DOC2B: variants seen among roughly 807,000 people sequenced by gnomAD.
The protein encoded by DOC2B is double C2-like domain-containing protein beta.
A neutral mutation model predicts 28.9 loss-of-function variants in DOC2B; 21 were observed. The ratio of observed to expected loss-of-function variants is 0.73; its 90% CI spans 0.52 to 1.05. The LOEUF (loss-of-function observed/expected upper bound fraction) is 1.05, where lower values mean the gene tolerates loss of function less well. Ranked by LOEUF, DOC2B falls within the 50% of genes least tolerant of loss-of-function variation. The probability of loss-of-function intolerance (pLI) is 0.00; values close to 1 mark genes in which losing one functional copy is unlikely to be tolerated. For synonymous variants in DOC2B, 194 were observed against 178.1 expected (o/e 1.09, Z -0.71); for missense variants, 384 against 421.1 (o/e 0.91, Z 0.77).
At chr17:151,612 CT>C (rs2040073010) in intron 6 of DOC2B, among the ~76,000 whole-genome samples, 1 of 152,160 alleles carries the variant, frequency 6.6e-6, no homozygotes, top group Non-Finnish European at 1.5e-5. Context: ...AGCGGATTTC[CT>C]TAGTTACTTA....
chr17:180,168 G>A (rs1303561207), intron 1 of DOC2B, among the ~76,000 whole-genome samples: 1 of 152,240 alleles, frequency 6.6e-6, no homozygotes, highest in Non-Finnish European at 1.5e-5. Flanking sequence ...AGCCACAGCT[G>A]AGCTAGGAGG....
At chr17:179,303 T>C (rs929642828) in intron 1 of DOC2B, among the ~76,000 whole-genome samples, 5 of 151,550 alleles carry the variant, frequency 3.3e-5, no homozygotes, top group African/African-American at 4.9e-5. Flanking sequence ...ACATGCTCCC[T>C]GAAGGGCTGC....
At position 143,311 on chromosome 17, in the gene DOC2B, C is replaced by G. The variant is rs2151454543; in HGVS notation, c.*4130G>C. On this transcript the variant is annotated 3_prime_UTR_variant, in exon 9 of 9. Coordinates refer to ENST00000613549, the MANE Select transcript of DOC2B (RefSeq NM_003585.5). ...TTGCCTTTTCCTCCGTCTTTCCACCCTCCCCTCCTACCCTTCCAAATCTTT... is the reference window on the plus strand; with the variant it reads ...TTGCCTTTTCCTCCGTCTTTCCACCGTCCCCTCCTACCCTTCCAAATCTTT... 6.6e-6 allele frequency: 1 copy of G among 150,648 alleles called. No individual in the cohort carries two copies. The highest frequency in any genetic ancestry group is 6.7e-5 in the Admixed American group (1 of 14,888). 9.3% of individuals were successfully genotyped at this position (150,648 alleles called of 1,614,324 possible).
chr17:156,320 T>G lies in DOC2B; in HGVS notation c.823A>C (p.Lys275Gln), dbSNP rs1555522513. 1 of 1,551,632 alleles carries G rather than the reference T, an allele frequency of 6.4e-7. No homozygotes were observed. The highest frequency in any genetic ancestry group is 1.2e-5 in the South Asian group (1 of 84,066). The change falls in exon 6 of 9, where the codon AAG (lysine) becomes CAG (glutamine). Residue 275 changes from lysine (K) to glutamine (Q), a missense_variant. Lys to Gln is a moderately conservative substitution (Grantham distance 53, BLOSUM62 1). Coordinates refer to ENST00000613549, the MANE Select transcript of DOC2B (RefSeq NM_003585.5). ...EERGRILISL[K>Q]YSSQKQGLLV... is the part of the protein sequence containing the mutation. The stretch of plus-strand genomic sequence containing the variant: ...AGGCCTTGCTTCTGTGAGCTGTACT[T>G]GAGGGAGATGAGGATGCGGCCCCGC...
In DOC2B at chr17:156,344, G is replaced by A. The variant is rs940554194; in HGVS notation, c.799C>T (p.Arg267Trp). ...DKTEDKSLEE[R>W]GRILISLKYS... is the part of the protein sequence containing the mutation. ...TTGAGGGAGATGAGGATGCGGCCCC[G>A]CTCCTCCAGGGACTTGTCTTCAGTC... The change falls in exon 6 of 9, where the codon CGG (arginine) becomes TGG (tryptophan). Residue 267 changes from arginine to tryptophan, a missense_variant. Arg to Trp is a moderately radical substitution (Grantham distance 101, BLOSUM62 -3). Coordinates refer to ENST00000613549, the MANE Select transcript of DOC2B (RefSeq NM_003585.5). 35 of 1,551,310 alleles carry A rather than the reference G, an allele frequency of 2.3e-5. No homozygotes were observed. The highest frequency in any genetic ancestry group is 2.7e-5 in the Non-Finnish European group (31 of 1,146,932).
At chr17:159,620 T>C (rs554238170) in intron 5 of DOC2B, among the ~76,000 whole-genome samples, 1 of 152,114 alleles carries the variant, frequency 6.6e-6, no homozygotes, top group Non-Finnish European at 1.5e-5. Flanking sequence ...CAAGACTCAG[T>C]CTCAAAAAAT....
intron 2 of DOC2B, among the ~76,000 whole-genome samples, chr17:172,113 C>T (rs570425942): frequency 3.0e-4 from 46 of 152,198 alleles, no homozygotes; most frequent in Non-Finnish European, 4.9e-4. Context: ...GCATCGGCCT[C>T]CTACAGTGGC....
chr17:166,145 G>T (rs564039925), intron 2 of DOC2B, among the ~76,000 whole-genome samples: 1 of 152,186 alleles, frequency 6.6e-6, no homozygotes, highest in African/African-American at 2.4e-5. Flanking sequence ...TCCTCCACCC[G>T]GCAGTTCCCT....
intron 1 of DOC2B, among the ~76,000 whole-genome samples, chr17:178,217 C>T (rs1256613135): frequency 6.6e-6 from 1 of 152,198 alleles, no homozygotes; most frequent in African/African-American, 2.4e-5. Flanking sequence ...CCCAGACACC[C>T]TTAGGAATAG....
intron 1 of DOC2B, among the ~76,000 whole-genome samples, chr17:174,963 G>A (rs2040352814): frequency 1.3e-5 from 2 of 152,260 alleles, no homozygotes; most frequent in African/African-American, 4.8e-5. Flanking sequence ...AAAATGGCCG[G>A]GTGTGGTGGC....
chr17:172,326 C>A (rs1717472425), intron 2 of DOC2B, among the ~76,000 whole-genome samples: 1 of 152,286 alleles, frequency 6.6e-6, no homozygotes, highest in South Asian at 2.1e-4. Context: ...TTCTTTGCTC[C>A]CCGCAATGCC....
chr17:161,961 T>C, intron 4 of DOC2B, 120 bp downstream of exon 4: 2 of 718,444 alleles, frequency 2.8e-6, no homozygotes, highest in Non-Finnish European at 4.8e-6. Flanking sequence ...AAGCTGGAGT[T>C]GCTGGCATGA....
rs369159510 is a variant in DOC2B, at chr17:156,386, C to T, written c.766-9G>A. On this transcript the variant is annotated splice_polypyrimidine_tract_variant and intron_variant, in intron 5 of 8. Coordinates refer to ENST00000613549, the MANE Select transcript of DOC2B (RefSeq NM_003585.5). ...TCTTCAGTCTTGTCCACCTGTTGGACGGGACGGTCACTCAGTCCTCACCTG... is the reference window on the plus strand; with the variant it reads ...TCTTCAGTCTTGTCCACCTGTTGGATGGGACGGTCACTCAGTCCTCACCTG... 77 of 1,550,962 alleles carry T rather than the reference C, an allele frequency of 5.0e-5. No homozygotes were observed. Among genetic ancestry groups the T allele is most frequent in the African/African-American group, 2.2e-4 (16 of 73,030 alleles).
chr17:160,790 C>G (rs553583470), intron 5 of DOC2B, among the ~76,000 whole-genome samples: 1 of 152,072 alleles, frequency 6.6e-6, no homozygotes, highest in South Asian at 2.1e-4. Flanking sequence ...TGGAGCAGGC[C>G]GAGGGCAAAT....
At position 147,159 on chromosome 17, in the gene DOC2B, C is replaced by T. The variant is rs1164983765; in HGVS notation, c.*282G>A. 6.0e-5 allele frequency: 20 copies of T among 335,024 alleles called. No homozygotes were observed. The highest frequency in any genetic ancestry group is 4.5e-4 in the East Asian group (10 of 22,362). The allele number at this position is 335,024 out of a possible 1,614,324, so 20.8% of individuals were successfully genotyped here. A position where few individuals can be genotyped will look rare whatever the true frequency, so the allele number is the denominator to read the frequency against. ...AGAAGGGTCTTTGCTCCCAGATGGGCGTGTCCCCTTCCCCTGGGCAGGTGC... is the reference window on the plus strand; with the variant it reads ...AGAAGGGTCTTTGCTCCCAGATGGGTGTGTCCCCTTCCCCTGGGCAGGTGC... On this transcript the variant is annotated 3_prime_UTR_variant, in exon 9 of 9. Coordinates refer to ENST00000613549, the MANE Select transcript of DOC2B (RefSeq NM_003585.5).
intron 2 of DOC2B, 150 bp downstream of exon 2, chr17:172,387 A>G: frequency 3.5e-6 from 2 of 576,470 alleles, no homozygotes; most frequent in South Asian, 5.8e-5. Context: ...GGTTTAAAGA[A>G]GAATTCCTTC....
intron 5 of DOC2B, among the ~76,000 whole-genome samples, chr17:158,340 G>A (rs2040160266): frequency 6.6e-6 from 1 of 151,864 alleles, no homozygotes; most frequent in African/African-American, 2.4e-5. Context: ...GATCCCCTTA[G>A]GACTCTACCA....
chr17:166,562 CG>C (rs2040267781), intron 2 of DOC2B, among the ~76,000 whole-genome samples: 1 of 152,362 alleles, frequency 6.6e-6, no homozygotes, highest in South Asian at 2.1e-4. Flanking sequence ...AAGGACCCAG[CG>C]GGAGATAACT....
At chr17:164,433 T>C (rs999091130) in intron 2 of DOC2B, among the ~76,000 whole-genome samples, 5 of 152,152 alleles carry the variant, frequency 3.3e-5, no homozygotes, top group Non-Finnish European at 5.9e-5. Context: ...ATGGGGCCTC[T>C]GTCAGGACAG....
Sources: allele counts gnomAD v4.1 joint callset (sites outside exome capture counted in the v4.1 genomes callset), GRCh38; gene constraint gnomAD v4.1.1; transcripts MANE v1.5; gene names NCBI Gene and HGNC (gene_info 2026-07-23, HGNC 2026-07-21).